The following PGR variants were observed in gnomAD, a reference collection of about 807,000 sequenced individuals.
PGR encodes the protein progesterone receptor.
A neutral mutation model predicts 76.1 loss-of-function variants in PGR; 25 were observed. The observed-to-expected ratio is 0.33, with a 90% CI of 0.24 to 0.46. The LOEUF (loss-of-function observed/expected upper bound fraction) is 0.46, where lower values mean the gene tolerates loss of function less well. Among genes scored for constraint, PGR ranks in the 20% least tolerant of loss-of-function variants. The probability of loss-of-function intolerance (pLI) is 1.00; values close to 1 mark genes in which losing one functional copy is unlikely to be tolerated. For missense variants in PGR, 1,172 were observed against 1,225.3 expected (o/e 0.96, Z 0.65); for synonymous variants, 579 against 535.0 (o/e 1.08, Z -1.14).
At chr11:101,077,215 G>A (rs1422027660) in intron 3 of PGR, among the ~76,000 whole-genome samples, 1 of 151,996 alleles carries the variant, frequency 6.6e-6, no homozygotes, top group African/African-American at 2.4e-5. Flanking sequence ...AATTATGGAA[G>A]GATGTCTAGA....
intron 3 of PGR, among the ~76,000 whole-genome samples, chr11:101,088,339 T>A (rs1442758149): frequency 6.6e-6 from 1 of 151,960 alleles, no homozygotes; most frequent in Non-Finnish European, 1.5e-5. Context: ...CAAAAGACAT[T>A]TTTTTTTCTT....
Position 101,034,015 on chromosome 11 carries a change from A to T in PGR, c.*5101T>A, listed in dbSNP as rs1428366524. 1 of 230,728 alleles carries T rather than the reference A, an allele frequency of 4.3e-6. No individual in the cohort carries two copies. Among genetic ancestry groups the T allele is most frequent in the Admixed American group, 5.6e-5 (1 of 17,712 alleles). The allele number at this position is 230,728 out of a possible 1,614,324, so 14.3% of individuals were successfully genotyped here. On this transcript the variant is annotated 3_prime_UTR_variant, in exon 8 of 8. Transcript: ENST00000325455. ...TATCTATCCGAATATTGACCAGGAC[A>T]CTAATGCCACACTGCAGAGTTAATA...
chr11:101,049,892 C>T (rs756558292), intron 6 of PGR, 37 bp downstream of exon 6: 1 of 1,561,734 alleles, frequency 6.4e-7, no homozygotes, highest in South Asian at 1.1e-5. Context: ...AATTAAGAAA[C>T]TAGATATCTT....
chr11:101,074,816 G>A (rs1424482673), intron 3 of PGR, among the ~76,000 whole-genome samples: 1 of 151,974 alleles, frequency 6.6e-6, no homozygotes, highest in Non-Finnish European at 1.5e-5. Context: ...CAACGCTCAA[G>A]GAAATCAGAG....
intron 6 of PGR, among the ~76,000 whole-genome samples, chr11:101,047,415 C>T (rs149421253): frequency 4.6e-5 from 7 of 152,230 alleles, no homozygotes; most frequent in African/African-American, 9.6e-5. Context: ...CTCTCTGGGC[C>T]GGTTCCACGT....
In PGR at chr11:101,032,768, C is replaced by T. The variant is rs192392639; in HGVS notation, c.*6348G>A. On this transcript the variant is annotated 3_prime_UTR_variant, in exon 8 of 8. Transcript: ENST00000325455. ...TCCTCCAGCATAAGCATTCACAGTA[C>T]AATATTGTAGCTATCTGTTTACCTG... is the stretch of plus-strand genomic sequence containing the variant. 7 of 197,826 alleles carry T rather than the reference C, an allele frequency of 3.5e-5. No individual in the cohort carries two copies. In the Admixed American group the frequency reaches 4.2e-4, roughly 12 times the overall value. The allele number at this position is 197,826 out of a possible 1,614,324, so 12.3% of individuals were successfully genotyped here.
chr11:101,070,662 G>A lies in PGR; in HGVS notation c.1907-7910C>T, dbSNP rs571042806. Among the ~76,000 whole-genome samples the A allele has an allele frequency of 9.2e-5, 14 of 152,270 alleles. 1 individual carries two copies. The East Asian group carries it at 2.3e-3, about 25-fold the overall frequency. ...TGGGAGGGGCGTCCACCATTACTGAGGCTTGAGTAGGCAGTTTTCCCCTCA... is the reference window on the plus strand; with the variant it reads ...TGGGAGGGGCGTCCACCATTACTGAAGCTTGAGTAGGCAGTTTTCCCCTCA... On this transcript the variant is annotated intron_variant, in intron 3 of 7. Coordinates refer to ENST00000325455, the MANE Select transcript of PGR (RefSeq NM_000926.4).
At chr11:101,100,347 T>C (rs1268324005) in intron 2 of PGR, among the ~76,000 whole-genome samples, 1 of 152,190 alleles carries the variant, frequency 6.6e-6, no homozygotes, top group Non-Finnish European at 1.5e-5. Flanking sequence ...CCTTGGGCCA[T>C]GATTGTAAGT....
intron 2 of PGR, among the ~76,000 whole-genome samples, chr11:101,100,186 T>C (rs557586713): frequency 2.0e-5 from 3 of 152,112 alleles, no homozygotes; most frequent in African/African-American, 7.2e-5. Flanking sequence ...GGGGGTGGTT[T>C]CCCCCCATGC....
chr11:101,075,670 G>T (rs1861099385), intron 3 of PGR, among the ~76,000 whole-genome samples: 1 of 147,752 alleles, frequency 6.8e-6, no homozygotes, highest in African/African-American at 2.5e-5. Flanking sequence ...CAAAGGATAT[G>T]AACAGACACT....
intron 3 of PGR, among the ~76,000 whole-genome samples, chr11:101,084,758 G>A (rs1861435124): frequency 6.6e-6 from 1 of 151,888 alleles, no homozygotes; most frequent in African/African-American, 2.4e-5. Flanking sequence ...GACAACCATA[G>A]GCTCAAAGTA....
intron 2 of PGR, among the ~76,000 whole-genome samples, chr11:101,102,177 G>C (rs1415373437): frequency 1.3e-5 from 2 of 152,158 alleles, no homozygotes; most frequent in African/African-American, 4.8e-5. Context: ...CACAATTCCT[G>C]ACTGGATCCT....
intron 3 of PGR, among the ~76,000 whole-genome samples, chr11:101,077,303 T>C (rs1401989699): frequency 1.3e-5 from 2 of 152,080 alleles, no homozygotes; most frequent in Non-Finnish European, 2.9e-5. Flanking sequence ...GCACTACACT[T>C]TAACAATCCT....
At position 101,070,240 on chromosome 11, in the gene PGR, T is replaced by C. The variant is rs1343056041; in HGVS notation, c.1907-7488A>G. On this transcript the variant is annotated intron_variant, in intron 3 of 7. Coordinates refer to ENST00000325455, the MANE Select transcript of PGR (RefSeq NM_000926.4). ...CAAAGAGTGGGGAAACTCCCTCCCT[T>C]AGCCAAGGGAAGCCGTGAGTGACTG... Among the ~76,000 whole-genome samples the C allele has an allele frequency of 2.6e-5, 4 of 152,054 alleles. No individual in the cohort carries two copies. In the East Asian group the frequency reaches 7.7e-4, roughly 29 times the overall value.
At chr11:101,127,318 G>A in intron 1 of PGR, 116 bp downstream of exon 1, 1 of 719,040 alleles carries the variant, frequency 1.4e-6, no homozygotes, top group East Asian at 3.4e-5. Flanking sequence ...ACCCTCTCCG[G>A]CCGCCCCGGG....
Position 101,129,618 on chromosome 11 carries a change from G to A in PGR, c.-548C>T, listed in dbSNP as rs1017716569. ...TCTCGGTACAGCCCATTCCCAGGAA[G>A]GGTCGGACTTCTGCTGGCTCCGTAC... On this transcript the variant is annotated 5_prime_UTR_variant, in exon 1 of 8. Coordinates refer to ENST00000325455, the MANE Select transcript of PGR (RefSeq NM_000926.4). 5.5e-6 allele frequency: 1 copy of A among 182,918 alleles called. No homozygotes were observed. Among genetic ancestry groups the A allele is most frequent in the African/African-American group, 2.4e-5 (1 of 42,502 alleles). 11.3% of individuals were successfully genotyped at this position (182,918 alleles called of 1,614,324 possible).
At chr11:101,100,598 T>G (rs1164772643) in intron 2 of PGR, among the ~76,000 whole-genome samples, 3 of 135,792 alleles carry the variant, frequency 2.2e-5, no homozygotes, top group Non-Finnish European at 4.9e-5. Flanking sequence ...ATACTAGTAT[T>G]TTGAATCCAC....
intron 3 of PGR, 187 bp from the exon 4 acceptor site, chr11:101,062,939 T>A (rs1351431866): frequency 2.0e-6 from 1 of 491,422 alleles, no homozygotes; most frequent in Non-Finnish European, 3.6e-6. Flanking sequence ...TAACTCTTGA[T>A]TAAAAAAAAT....
chr11:101,046,606 T>G (rs1437007819), intron 6 of PGR, among the ~76,000 whole-genome samples: 1 of 152,058 alleles, frequency 6.6e-6, no homozygotes, highest in East Asian at 1.9e-4. Flanking sequence ...CTCCTTGCAT[T>G]TATTTTATAA....
Sources: gnomAD v4.1 joint callset for allele counts (sites outside exome capture counted in the v4.1 genomes callset) on GRCh38, gnomAD v4.1.1 for gene constraint, MANE v1.5 for transcripts, NCBI Gene and HGNC (gene_info 2026-07-23, HGNC 2026-07-21) for gene names.